GPHN: variants seen among roughly 807,000 people sequenced by gnomAD.
GPHN encodes gephyrin.
A neutral mutation model predicts 95.5 loss-of-function variants in GPHN; 17 were observed. The observed-to-expected ratio is 0.18, with a 90% CI of 0.12 to 0.27. The LOEUF (loss-of-function observed/expected upper bound fraction) is 0.27. Among genes scored for constraint, GPHN ranks in the 10% least tolerant of loss-of-function variants. The probability of loss-of-function intolerance (pLI) is 1.00; values close to 1 mark genes in which losing one functional copy is unlikely to be tolerated. For missense variants in GPHN, 660 were observed against 978.1 expected (o/e 0.67, Z 4.34); for synonymous variants, 320 against 322.5 (o/e 0.99, Z 0.08).
chr14:67,347,403 AC>A, the GPHN span: 10 of 1,599,744 alleles, frequency 6.3e-6, no homozygotes, highest in Admixed American at 1.5e-4. Context: ...AAAGTTTCAC[AC>A]TTACTGTCAG....
chr14:67,218,413 A>T, the GPHN span, among the ~76,000 whole-genome samples: 1 of 152,148 alleles, frequency 6.6e-6, no homozygotes, highest in Non-Finnish European at 1.5e-5. Flanking sequence ...CACAAGTGCA[A>T]GTCTGCTTGG....
chr14:67,085,857 A>G (rs141207726), intron 11 of GPHN, among the ~76,000 whole-genome samples: 1 of 152,212 alleles, frequency 6.6e-6, no homozygotes, highest in Non-Finnish European at 1.5e-5. Flanking sequence ...ATTAAACACT[A>G]ACTCTTCTTT....
chr14:66,797,843 A>C (rs573256872), intron 3 of GPHN, among the ~76,000 whole-genome samples: 2 of 152,072 alleles, frequency 1.3e-5, no homozygotes, highest in South Asian at 4.1e-4. Context: ...TGGTCTATCT[A>C]GAACAGCCAT....
At chr14:66,616,957 C>T (rs770801690) in intron 1 of GPHN, among the ~76,000 whole-genome samples, 8 of 152,160 alleles carry the variant, frequency 5.3e-5, no homozygotes, top group Admixed American at 3.3e-4. Context: ...CTGCCTGCCT[C>T]GGCCTCCCAA....
At chr14:67,163,561 C>G (rs1477096922) in intron 19 of GPHN, among the ~76,000 whole-genome samples, 1 of 152,036 alleles carries the variant, frequency 6.6e-6, no homozygotes, top group Non-Finnish European at 1.5e-5. Context: ...ACCCATAGTA[C>G]TCTTGTGACC....
the GPHN span, chr14:67,363,893 A>G: frequency 6.6e-6 from 1 of 152,228 alleles, no homozygotes; most frequent in East Asian, 1.9e-4. Flanking sequence ...ATCATCAGCC[A>G]TGATTAGTTT....
At chr14:67,719,301 T>C in the GPHN span, among the ~76,000 whole-genome samples, 1 of 152,166 alleles carries the variant, frequency 6.6e-6, no homozygotes, top group Non-Finnish European at 1.5e-5. Context: ...AATTAATAAA[T>C]ACATAGTTTG....
At chr14:66,920,549 AGAAT>A (rs771225190) in intron 6 of GPHN, among the ~76,000 whole-genome samples, 50 of 148,020 alleles carry the variant, frequency 3.4e-4, no homozygotes, top group Non-Finnish European at 6.6e-4. Context: ...TTTTTTTTAG[AGAAT>A]GAATCTGATT....
intron 1 of GPHN, among the ~76,000 whole-genome samples, chr14:66,603,470 A>G (rs1391064583): frequency 6.6e-6 from 1 of 151,980 alleles, no homozygotes; most frequent in Non-Finnish European, 1.5e-5. Context: ...AAATGGTTAT[A>G]TAATTTTCCA....
At chr14:66,909,887 T>C (rs2065582276) in intron 5 of GPHN, among the ~76,000 whole-genome samples, 1 of 151,928 alleles carries the variant, frequency 6.6e-6, no homozygotes, top group South Asian at 2.1e-4. Flanking sequence ...TCATCAAGTT[T>C]GTTGGATAGA....
downstream of GPHN, among the ~76,000 whole-genome samples, chr14:67,182,841 CTT>C (rs1247844705): frequency 1.0e-4 from 12 of 120,020 alleles, no homozygotes; most frequent in Non-Finnish European, 8.6e-5. Context: ...GTTAGTGGGT[CTT>C]TTTTTTTTTT....
At chr14:67,678,202 C>A in the GPHN span, 1 of 675,892 alleles carries the variant, frequency 1.5e-6, no homozygotes, top group Non-Finnish European at 2.6e-6. Flanking sequence ...GCAGGCAAGG[C>A]TGGAAGGTTT....
chr14:66,717,855 A>T (rs534045154), intron 2 of GPHN, among the ~76,000 whole-genome samples: 2 of 152,318 alleles, frequency 1.3e-5, no homozygotes, highest in South Asian at 4.1e-4. Context: ...CTGTGATGTG[A>T]ACCGTCTATG....
At chr14:67,279,657 C>A in the GPHN span, 1 of 998,196 alleles carries the variant, frequency 1.0e-6, no homozygotes, top group Non-Finnish European at 1.4e-6. Context: ...GAATTCCAGA[C>A]CAAGATCCTT....
the GPHN span, among the ~76,000 whole-genome samples, chr14:67,597,662 A>G: frequency 6.6e-6 from 1 of 152,224 alleles, no homozygotes; most frequent in Admixed American, 6.5e-5. Context: ...AATACAATTC[A>G]GCCCTGACCC....
chr14:67,388,923 C>A, the GPHN span, among the ~76,000 whole-genome samples: 1 of 152,058 alleles, frequency 6.6e-6, no homozygotes, highest in Non-Finnish European at 1.5e-5. Flanking sequence ...AAGTGATCTG[C>A]CCTCCTCAGC....
the GPHN span, chr14:67,208,215 A>G: frequency 3.7e-6 from 6 of 1,611,924 alleles, no homozygotes; most frequent in Non-Finnish European, 5.1e-6. Flanking sequence ...AAATTGAAAA[A>G]CATTCTGAAG....
At chr14:67,056,541 C>T (rs892260437) in intron 10 of GPHN, among the ~76,000 whole-genome samples, 4 of 151,506 alleles carry the variant, frequency 2.6e-5, no homozygotes, top group East Asian at 3.9e-4. Context: ...AGATACAGAG[C>T]GCTGATTGGT....
At chr14:66,718,370 G>A (rs1171525773) in intron 2 of GPHN, among the ~76,000 whole-genome samples, 1 of 152,056 alleles carries the variant, frequency 6.6e-6, no homozygotes, top group Non-Finnish European at 1.5e-5. Flanking sequence ...CCTCCCGATG[G>A]GTTCGTGGTC....
Sources: gnomAD v4.1 joint callset for allele counts (sites outside exome capture counted in the v4.1 genomes callset) on GRCh38, gnomAD v4.1.1 for gene constraint, MANE v1.5 for transcripts, NCBI Gene and HGNC (gene_info 2026-07-23, HGNC 2026-07-21) for gene names.